The following CSNK1G2 variants were observed in gnomAD, a reference collection of about 807,000 sequenced individuals.
CSNK1G2 encodes the protein casein kinase 1 gamma 2.
A neutral mutation model predicts 48.0 loss-of-function variants in CSNK1G2; 11 were observed. The observed-to-expected ratio is 0.23, with a 90% CI of 0.14 to 0.38. The LOEUF is 0.38. CSNK1G2 is among the 10% of genes least tolerant of loss of function. CSNK1G2 has a pLI of 1.00. For synonymous variants in CSNK1G2, 337 were observed against 254.1 expected (o/e 1.33, Z -3.10); for missense variants, 446 against 595.5 (o/e 0.75, Z 2.61).
chr19:1,978,359 T>A lies in CSNK1G2; in HGVS notation c.228+14T>A. 1.2e-6 allele frequency: 2 copies of A among 1,607,182 alleles called. No homozygotes were observed. The highest frequency in any genetic ancestry group is 1.7e-6 in the Non-Finnish European group (2 of 1,174,396). ...GCTATCAAATTGGTGAGTCGGCCCC[T>A]CCACCCCACCCCCGCTGACGTGCCC... On this transcript the variant is annotated intron_variant, in intron 3 of 11. Transcript: ENST00000255641. The surrounding 1 kb of genome is among the most constrained non-coding windows in gnomAD (Gnocchi z 7.3).
chr19:1,981,084 C>T lies in CSNK1G2; in HGVS notation c.*881C>T. On this transcript the variant is annotated 3_prime_UTR_variant, in exon 12 of 12. Coordinates refer to ENST00000255641, the MANE Select transcript of CSNK1G2 (RefSeq NM_001319.7). ...CAGCCGGAGACAAAACGCCTTAAAG[C>T]CCCCGGCCCAGCCCTGCAGGTATAT... The T allele has an allele frequency of 6.6e-6, 1 of 152,404 alleles. No homozygotes were observed. Among genetic ancestry groups the T allele is most frequent in the Non-Finnish European group, 1.5e-5 (1 of 68,080 alleles). The allele number at this position is 152,404 out of a possible 1,614,324, so 9.4% of individuals were successfully genotyped here. A position where few individuals can be genotyped will look rare whatever the true frequency, so the allele number is the denominator to read the frequency against.
chr19:1,977,491 G>A (rs1340892264), intron 2 of CSNK1G2, among the ~76,000 whole-genome samples: 1 of 152,180 alleles, frequency 6.6e-6, no homozygotes, highest in Non-Finnish European at 1.5e-5. Context: ...AGGGGCTCCC[G>A]CCTGTTATCC....
chr19:1,969,745 C>T lies in CSNK1G2; in HGVS notation c.-28C>T, dbSNP rs751672570. 7.1e-6 allele frequency: 9 copies of T among 1,273,762 alleles called. No individual in the cohort carries two copies. In the South Asian group the frequency reaches 1.1e-4, roughly 16 times the overall value. 78.9% of individuals were successfully genotyped at this position (1,273,762 alleles called of 1,614,324 possible). ...GGGATTTGCACGGCAGCAGAGTCAC[C>T]GTGGAGAGGCCAGGGTATCACAAAC... On this transcript the variant is annotated 5_prime_UTR_variant, in exon 2 of 12. Transcript: ENST00000255641.
At chr19:1,948,162 C>G (rs536440930) in intron 1 of CSNK1G2, among the ~76,000 whole-genome samples, 1 of 152,200 alleles carries the variant, frequency 6.6e-6, no homozygotes, top group Non-Finnish European at 1.5e-5. Flanking sequence ...GCCGCTGCCC[C>G]GGGCCCTGTC....
In CSNK1G2 at chr19:1,957,395, T is replaced by C. The variant is rs1033904095; in HGVS notation, c.-265-12113T>C. On this transcript the variant is annotated intron_variant, in intron 1 of 11. Coordinates refer to ENST00000255641, the MANE Select transcript of CSNK1G2 (RefSeq NM_001319.7). The surrounding 1 kb of genome is among the most constrained non-coding windows in gnomAD (Gnocchi z 5.4). ...AGATGTCCCGGGATGCACCAGGCGC[T>C]CGTGCAAACCAAGTGCTGAGCAGAG... Among the ~76,000 whole-genome samples the C allele has an allele frequency of 3.3e-5, 5 of 152,122 alleles. No homozygotes were observed. Among genetic ancestry groups the C allele is most frequent in the Non-Finnish European group, 5.9e-5 (4 of 68,020 alleles).
At chr19:1,974,452 T>C (rs1409280376) in intron 2 of CSNK1G2, among the ~76,000 whole-genome samples, 2 of 152,208 alleles carry the variant, frequency 1.3e-5, no homozygotes, top group Non-Finnish European at 2.9e-5. Flanking sequence ...CCAGCAGTGC[T>C]GGATTGGGGA....
In CSNK1G2 at chr19:1,980,152, C is replaced by T. The variant is rs916717334; in HGVS notation, c.1197C>T (p.Cys399=). The change falls in exon 12 of 12, where the codon TGC becomes TGT. Residue 399 remains cysteine, a synonymous_variant. Coordinates refer to ENST00000255641, the MANE Select transcript of CSNK1G2 (RefSeq NM_001319.7). ...CCTGAGCCACTGCCCTCCTCAGATG[C>T]TGCTGTTTCTTCAAGAGGAGAAAGA... The part of the protein sequence containing the change: ...AEVEVADETK[C]CCFFKRRKRK... 2 of 1,612,874 alleles carry T rather than the reference C, an allele frequency of 1.2e-6. No individual in the cohort carries two copies. The highest frequency in any genetic ancestry group is 1.3e-5 in the African/African-American group (1 of 74,922).
At chr19:1,964,651 A>G (rs1270601850) in intron 1 of CSNK1G2, among the ~76,000 whole-genome samples, 3 of 152,198 alleles carry the variant, frequency 2.0e-5, no homozygotes, top group Non-Finnish European at 2.9e-5. Flanking sequence ...GGGTGACAGC[A>G]CATCTGTTTA....
chr19:1,949,991 C>T (rs988618222), intron 1 of CSNK1G2, among the ~76,000 whole-genome samples: 25 of 152,350 alleles, frequency 1.6e-4, no homozygotes, highest in African/African-American at 5.0e-4. Flanking sequence ...CCGTGACCTT[C>T]GCCACAGCGA....
chr19:1,949,397 G>A (rs1028827279), intron 1 of CSNK1G2, among the ~76,000 whole-genome samples: 5 of 152,218 alleles, frequency 3.3e-5, no homozygotes, highest in Admixed American at 1.3e-4. Context: ...GGAATCACAC[G>A]GGATGAGGCC....
intron 2 of CSNK1G2, among the ~76,000 whole-genome samples, chr19:1,971,698 C>T (rs1267819889): frequency 6.7e-6 from 1 of 148,810 alleles, no homozygotes; most frequent in Non-Finnish European, 1.5e-5. Context: ...TGTCCTTGGG[C>T]GGCGGTTGCA....
intron 2 of CSNK1G2, chr19:1,975,683 A>AG: frequency 2.0e-6 from 2 of 984,914 alleles, no homozygotes; most frequent in East Asian, 1.1e-4. Context: ...CAGCTGATTC[A>AG]GGGGGCAGTG....
intron 1 of CSNK1G2, among the ~76,000 whole-genome samples, chr19:1,947,151 A>T (rs998771630): frequency 3.3e-5 from 5 of 152,158 alleles, no homozygotes; most frequent in African/African-American, 1.2e-4. Flanking sequence ...GCTTGAAAAA[A>T]GTTGTGCTTA....
chr19:1,978,360 C>G lies in CSNK1G2; in HGVS notation c.228+15C>G. The G allele has an allele frequency of 6.2e-7, 1 of 1,612,922 alleles. No individual in the cohort carries two copies. Among genetic ancestry groups the G allele is most frequent in the Admixed American group, 1.7e-5 (1 of 60,020 alleles). Reference sequence around the variant, plus strand: ...CTATCAAATTGGTGAGTCGGCCCCTCCACCCCACCCCCGCTGACGTGCCCC... The same window carrying G: ...CTATCAAATTGGTGAGTCGGCCCCTGCACCCCACCCCCGCTGACGTGCCCC... On this transcript the variant is annotated intron_variant, in intron 3 of 11. Transcript: ENST00000255641. This position sits in a 1 kb window ranked among gnomAD's most constrained non-coding sequence, Gnocchi z 7.3.
intron 1 of CSNK1G2, among the ~76,000 whole-genome samples, chr19:1,947,642 C>T (rs970369760): frequency 2.6e-5 from 4 of 152,266 alleles, no homozygotes; most frequent in Admixed American, 6.5e-5. Flanking sequence ...GTGGGTGCGC[C>T]GAGGGGGATC....
intron 1 of CSNK1G2, among the ~76,000 whole-genome samples, chr19:1,965,516 T>G (rs1781205121): frequency 6.6e-6 from 1 of 152,184 alleles, no homozygotes; most frequent in African/African-American, 2.4e-5. Context: ...CATTTATTTA[T>G]GCATGACAAG....
At chr19:1,966,793 A>G (rs1226080429) in intron 1 of CSNK1G2, among the ~76,000 whole-genome samples, 1 of 152,168 alleles carries the variant, frequency 6.6e-6, no homozygotes, top group Non-Finnish European at 1.5e-5. Flanking sequence ...ACATTGAGGC[A>G]AGACCCTTCT....
intron 2 of CSNK1G2, among the ~76,000 whole-genome samples, chr19:1,974,018 G>A (rs1390777077): frequency 6.6e-6 from 1 of 152,082 alleles, no homozygotes; most frequent in African/African-American, 2.4e-5. Context: ...CTCCCGAGTA[G>A]CTGGGATTAC....
intron 1 of CSNK1G2, among the ~76,000 whole-genome samples, chr19:1,949,692 C>A (rs905420277): frequency 6.6e-6 from 1 of 152,258 alleles, no homozygotes; most frequent in Non-Finnish European, 1.5e-5. Context: ...GAGCCGCAGA[C>A]GGCCATCCAT....
Sources: gnomAD v4.1 joint callset for allele counts (sites outside exome capture counted in the v4.1 genomes callset) on GRCh38, gnomAD v4.1.1 for gene constraint, Gnocchi (gnomAD v3.1) non-coding constraint, MANE v1.5 for transcripts, NCBI Gene and HGNC (gene_info 2026-07-23, HGNC 2026-07-21) for gene names.